TMEM117: variants seen among roughly 807,000 people sequenced by gnomAD.
TMEM117 encodes transmembrane protein 117.
In TMEM117, 27 loss-of-function variants were observed where a neutral mutation model predicts 52.4. That is an observed-to-expected ratio of 0.51 (90% CI 0.38 to 0.71). TMEM117 has a LOEUF of 0.71. TMEM117 is among the 30% of genes least tolerant of loss of function. The pLI, the probability that TMEM117 is intolerant of heterozygous loss-of-function variation, is 0.00. For missense variants in TMEM117, 556 were observed against 630.5 expected, an observed-to-expected ratio of 0.88 and a Z score of 1.26; for synonymous variants, 215 against 206.3, an observed-to-expected ratio of 1.04 and a Z score of -0.36.
At chr12:44,283,830 A>T (rs972080973) in intron 5 of TMEM117, among the ~76,000 whole-genome samples, 11 of 152,256 alleles carry the variant, frequency 7.2e-5, no homozygotes, top group Admixed American at 6.5e-4. Context: ...CCCAAATCTC[A>T]ACTTGAATTG....
At chr12:44,376,850 A>G (rs1951949368) in intron 7 of TMEM117, 126 bp downstream of exon 7, 14 of 1,072,034 alleles carry the variant, frequency 1.3e-5, no homozygotes, top group South Asian at 5.5e-5. Context: ...CATTCACTTA[A>G]CAGTGCAAGG....
At chr12:44,088,142 G>T (rs967688235) in intron 3 of TMEM117, among the ~76,000 whole-genome samples, 8 of 152,114 alleles carry the variant, frequency 5.3e-5, no homozygotes, top group African/African-American at 1.9e-4. Flanking sequence ...GCTTAGTTCT[G>T]TTATAAAAAC....
At chr12:43,994,605 T>G (rs1021905533) in intron 3 of TMEM117, among the ~76,000 whole-genome samples, 6 of 152,118 alleles carry the variant, frequency 3.9e-5, no homozygotes, top group Non-Finnish European at 1.5e-5. Flanking sequence ...AATAGTTACA[T>G]GGTCCAAACA....
intron 4 of TMEM117, among the ~76,000 whole-genome samples, chr12:44,180,929 C>A (rs2138312527): frequency 6.6e-6 from 1 of 152,098 alleles, no homozygotes; most frequent in South Asian, 2.1e-4. Flanking sequence ...AATCGCCACA[C>A]TGACTTCCAC....
At chr12:44,079,560 G>A (rs1947444805) in intron 3 of TMEM117, among the ~76,000 whole-genome samples, 1 of 151,916 alleles carries the variant, frequency 6.6e-6, no homozygotes, top group Non-Finnish European at 1.5e-5. Flanking sequence ...TGATGGAATT[G>A]TTTGTTTTTT....
chr12:44,380,359 G>A (rs1045547044), intron 7 of TMEM117, among the ~76,000 whole-genome samples: 4 of 152,048 alleles, frequency 2.6e-5, no homozygotes, highest in African/African-American at 4.8e-5. Context: ...AACCCCAGAC[G>A]GCTCCCTCTT....
chr12:43,896,023 T>C (rs899298036), intron 2 of TMEM117, among the ~76,000 whole-genome samples: 1 of 152,196 alleles, frequency 6.6e-6, no homozygotes, highest in African/African-American at 2.4e-5. Flanking sequence ...AGATTGAGGG[T>C]GGGTCTGCCT....
intron 3 of TMEM117, among the ~76,000 whole-genome samples, chr12:44,137,726 C>T (rs1948512300): frequency 1.3e-5 from 2 of 152,084 alleles, no homozygotes; most frequent in Admixed American, 6.6e-5. Context: ...ATGAGACCCA[C>T]TCACCATTGC....
intron 5 of TMEM117, among the ~76,000 whole-genome samples, chr12:44,246,272 G>A (rs1950128448): frequency 6.6e-6 from 1 of 151,960 alleles, no homozygotes; most frequent in African/African-American, 2.4e-5. Context: ...TAAATAATAA[G>A]ATATTCTGGG....
intron 5 of TMEM117, among the ~76,000 whole-genome samples, chr12:44,211,964 A>T (rs748721490): frequency 6.6e-6 from 1 of 152,238 alleles, no homozygotes; most frequent in Non-Finnish European, 1.5e-5. Flanking sequence ...GGCAGCAAGA[A>T]GGGCACTTTC....
At chr12:44,015,312 G>A (rs951925904) in intron 3 of TMEM117, among the ~76,000 whole-genome samples, 5 of 152,036 alleles carry the variant, frequency 3.3e-5, no homozygotes, top group Admixed American at 3.3e-4. Flanking sequence ...TTTATTTATC[G>A]ATTCCATGAA....
At chr12:44,187,435 ACTT>A (rs1771054015) in intron 4 of TMEM117, among the ~76,000 whole-genome samples, 1 of 152,124 alleles carries the variant, frequency 6.6e-6, no homozygotes, top group African/African-American at 2.4e-5. Context: ...CCTGATATTC[ACTT>A]GTTAATTTAA....
intron 6 of TMEM117, among the ~76,000 whole-genome samples, chr12:44,323,089 A>G (rs1317842934): frequency 1.3e-5 from 2 of 152,160 alleles, no homozygotes; most frequent in Non-Finnish European, 2.9e-5. Context: ...TAAAGGTAGG[A>G]GTGAAGGCCA....
At chr12:44,362,757 A>G (rs1401880956) in intron 6 of TMEM117, among the ~76,000 whole-genome samples, 4 of 152,048 alleles carry the variant, frequency 2.6e-5, no homozygotes, top group African/African-American at 9.7e-5. Flanking sequence ...CAATCTGAAG[A>G]CTTTATCTCT....
chr12:44,376,790 G>A, intron 7 of TMEM117, 66 bp downstream of exon 7: 2 of 1,485,266 alleles, frequency 1.3e-6, no homozygotes, highest in Non-Finnish European at 1.8e-6. Flanking sequence ...GCTAGTTGCT[G>A]TAAAAAGCAA....
At chr12:44,161,874 C>G (rs1239557312) in intron 4 of TMEM117, among the ~76,000 whole-genome samples, 4 of 151,862 alleles carry the variant, frequency 2.6e-5, no homozygotes, top group Admixed American at 6.6e-5. Context: ...TCACAAAAAT[C>G]CATAATTCAG....
At chr12:44,356,421 G>A (rs923774415) in intron 6 of TMEM117, among the ~76,000 whole-genome samples, 2 of 152,032 alleles carry the variant, frequency 1.3e-5, no homozygotes, top group African/African-American at 2.4e-5. Context: ...GAATAAGAGA[G>A]GTCAGAGTAA....
At chr12:44,355,694 C>T (rs1565749925) in intron 6 of TMEM117, among the ~76,000 whole-genome samples, 1 of 152,038 alleles carries the variant, frequency 6.6e-6, no homozygotes, top group Non-Finnish European at 1.5e-5. Flanking sequence ...AATCCTAAAG[C>T]ATCCTTTACC....
At chr12:44,367,682 C>A (rs1427200022) in intron 6 of TMEM117, among the ~76,000 whole-genome samples, 2 of 152,124 alleles carry the variant, frequency 1.3e-5, no homozygotes, top group African/African-American at 4.8e-5. Flanking sequence ...TTCCCAACTG[C>A]CTACATAATA....
Sources: gnomAD v4.1 joint callset for allele counts (sites outside exome capture counted in the v4.1 genomes callset) on GRCh38, gnomAD v4.1.1 for gene constraint, MANE v1.5 for transcripts, NCBI Gene and HGNC (gene_info 2026-07-23, HGNC 2026-07-21) for gene names.